The following GSK3B variants were observed in gnomAD, a reference collection of about 807,000 sequenced individuals.
GSK3B encodes glycogen synthase kinase-3 beta.
GSK3B carries 15 observed loss-of-function variants against 56.4 expected under a neutral mutation model. The observed-to-expected ratio is 0.27, with a 90% CI of 0.18 to 0.41. The LOEUF (loss-of-function observed/expected upper bound fraction) is 0.41, where lower values mean the gene tolerates loss of function less well. GSK3B is among the 10% of genes least tolerant of loss of function. GSK3B has a pLI of 1.00. For missense variants in GSK3B, 300 were observed against 513.4 expected (o/e 0.58, Z 4.02); for synonymous variants, 181 against 188.9 (o/e 0.96, Z 0.34).
intron 8 of GSK3B, among the ~76,000 whole-genome samples, chr3:119,873,001 TTTC>T (rs1386380574): frequency 6.6e-6 from 1 of 152,154 alleles, no homozygotes; most frequent in African/African-American, 2.4e-5. Flanking sequence ...TCCATGTGTT[TTTC>T]TTCTTTGCAG....
chr3:119,888,647 A>G (rs2108062207), intron 7 of GSK3B, among the ~76,000 whole-genome samples: 1 of 152,242 alleles, frequency 6.6e-6, no homozygotes, highest in South Asian at 2.1e-4. Context: ...TTTTCAGGGA[A>G]CTAGGGAAGA....
chr3:119,993,973 G>A (rs2057590668), intron 2 of GSK3B, among the ~76,000 whole-genome samples: 1 of 152,092 alleles, frequency 6.6e-6, no homozygotes, highest in Non-Finnish European at 1.5e-5. Flanking sequence ...TCCACCTCCT[G>A]GGCCATTCTC....
intron 7 of GSK3B, among the ~76,000 whole-genome samples, chr3:119,903,653 A>G (rs1482204759): frequency 6.6e-6 from 1 of 152,208 alleles, no homozygotes; most frequent in Non-Finnish European, 1.5e-5. Context: ...CAAGCATGAG[A>G]TAGGGAATTA....
intron 9 of GSK3B, 26 bp downstream of exon 9, chr3:119,863,393 T>TA (rs759775001): frequency 1.3e-6 from 2 of 1,578,938 alleles, no homozygotes; most frequent in Admixed American, 3.3e-5. Context: ...CTAGAACTGG[T>TA]GAAGAGGCTA....
At chr3:120,036,277 A>C (rs1020504482) in intron 1 of GSK3B, among the ~76,000 whole-genome samples, 2 of 152,246 alleles carry the variant, frequency 1.3e-5, no homozygotes, top group African/African-American at 4.8e-5. Context: ...AACTTACCAA[A>C]GAAAGTCCTC....
chr3:119,937,788 C>G (rs918130409), intron 3 of GSK3B, among the ~76,000 whole-genome samples: 4 of 151,334 alleles, frequency 2.6e-5, no homozygotes, highest in Non-Finnish European at 4.4e-5. Flanking sequence ...ATGAATAAAA[C>G]AGAGAACAGA....
At chr3:119,867,369 C>A (rs1276719872) in intron 8 of GSK3B, among the ~76,000 whole-genome samples, 1 of 152,184 alleles carries the variant, frequency 6.6e-6, no homozygotes, top group Non-Finnish European at 1.5e-5. Context: ...TATTAACTTA[C>A]TTTTTCTATT....
intron 3 of GSK3B, among the ~76,000 whole-genome samples, chr3:119,933,601 G>C (rs1461528727): frequency 6.6e-6 from 1 of 152,170 alleles, no homozygotes; most frequent in African/African-American, 2.4e-5. Flanking sequence ...GAGCCGCCAA[G>C]CGCGGTGGCT....
chr3:119,928,596 C>A, intron 3 of GSK3B, among the ~76,000 whole-genome samples: 1 of 106,578 alleles, frequency 9.4e-6, no homozygotes, highest in Admixed American at 1.2e-4. Context: ...TAGAGCGAGA[C>A]TCCATATCAA....
intron 9 of GSK3B, among the ~76,000 whole-genome samples, chr3:119,856,928 T>C (rs2056029592): frequency 6.6e-6 from 1 of 152,224 alleles, no homozygotes; most frequent in African/African-American, 2.4e-5. Context: ...GATTCAGTTT[T>C]AGACCACTAC....
chr3:119,897,120 T>C (rs1176835564), intron 7 of GSK3B, among the ~76,000 whole-genome samples: 1 of 152,162 alleles, frequency 6.6e-6, no homozygotes, highest in African/African-American at 2.4e-5. Context: ...ATAACTACAC[T>C]GCATATTCTG....
chr3:120,066,431 T>C (rs1038555889), intron 1 of GSK3B, among the ~76,000 whole-genome samples: 1 of 152,080 alleles, frequency 6.6e-6, no homozygotes, highest in African/African-American at 2.4e-5. Flanking sequence ...ATGGAACAAT[T>C]TGACAATTAA....
At chr3:119,993,271 G>A (rs756033410) in intron 2 of GSK3B, among the ~76,000 whole-genome samples, 2 of 151,688 alleles carry the variant, frequency 1.3e-5, no homozygotes, top group African/African-American at 4.8e-5. Context: ...AGAAAGAATC[G>A]AAAAGAAATG....
intron 2 of GSK3B, among the ~76,000 whole-genome samples, chr3:119,990,495 G>A (rs2057554399): frequency 6.6e-6 from 1 of 152,154 alleles, no homozygotes; most frequent in South Asian, 2.1e-4. Flanking sequence ...ATATGCTCAA[G>A]CTTTCAAAAT....
intron 1 of GSK3B, among the ~76,000 whole-genome samples, chr3:120,091,150 CTAT>C (rs926390356): frequency 6.6e-6 from 1 of 152,172 alleles, no homozygotes; most frequent in Non-Finnish European, 1.5e-5. Flanking sequence ...AGTCATCACG[CTAT>C]TGTTTTAATT....
intron 1 of GSK3B, among the ~76,000 whole-genome samples, chr3:120,022,915 C>A (rs543566419): frequency 6.6e-6 from 1 of 152,284 alleles, no homozygotes; most frequent in South Asian, 2.1e-4. Flanking sequence ...ACATCCGATG[C>A]CAAAGCAGAG....
chr3:120,051,969 T>G (rs1489208948), intron 1 of GSK3B, among the ~76,000 whole-genome samples: 1 of 152,252 alleles, frequency 6.6e-6, no homozygotes, highest in South Asian at 2.1e-4. Context: ...CAGTGAAAAT[T>G]CCTGTGTGGG....
At chr3:120,092,162 TACC>T (rs1196554845) in intron 1 of GSK3B, among the ~76,000 whole-genome samples, 33 of 152,202 alleles carry the variant, frequency 2.2e-4, no homozygotes, top group African/African-American at 7.7e-4. Context: ...TATCATTAAA[TACC>T]ACATGAACTT....
At chr3:120,083,037 T>C (rs1327689941) in intron 1 of GSK3B, among the ~76,000 whole-genome samples, 2 of 151,734 alleles carry the variant, frequency 1.3e-5, no homozygotes, top group Non-Finnish European at 2.9e-5. Context: ...CTTAATAAAA[T>C]GATACAAAGT....
Sources: gnomAD v4.1 joint callset for allele counts (sites outside exome capture counted in the v4.1 genomes callset) on GRCh38, gnomAD v4.1.1 for gene constraint, MANE v1.5 for transcripts, NCBI Gene and HGNC (gene_info 2026-07-23, HGNC 2026-07-21) for gene names.